The following NRP2 variants were observed in gnomAD, a reference collection of about 807,000 sequenced individuals.
NRP2 encodes the protein neuropilin 2.
A neutral mutation model predicts 110.4 loss-of-function variants in NRP2; 52 were observed. The ratio of observed to expected loss-of-function variants is 0.47; its 90% confidence interval spans 0.38 to 0.59. NRP2 has a LOEUF of 0.59. Ranked by LOEUF, NRP2 falls within the 20% of genes least tolerant of loss-of-function variation. The probability of loss-of-function intolerance (pLI) is 0.00; values close to 1 mark genes in which losing one functional copy is unlikely to be tolerated. For missense variants in NRP2, 1,049 were observed against 1,203.0 expected, an observed-to-expected ratio of 0.87 and a Z score of 1.89; for synonymous variants, 508 against 468.9, an observed-to-expected ratio of 1.08 and a Z score of -1.08.
intron 15 of NRP2, chr2:205,778,647 G>T (rs2058136519): frequency 6.6e-6 from 1 of 152,190 alleles, no homozygotes; most frequent in African/African-American, 2.4e-5. Context: ...TAGAGGTGTG[G>T]CATTGAGAAA....
intron 16 of NRP2, among the ~76,000 whole-genome samples, chr2:205,792,788 C>A (rs1559371785): frequency 6.6e-6 from 1 of 152,138 alleles, no homozygotes; most frequent in Non-Finnish European, 1.5e-5. Flanking sequence ...CATCTCGTAT[C>A]TTTATATTTA....
chr2:205,738,356 A>C (rs2057382516), intron 7 of NRP2, among the ~76,000 whole-genome samples: 1 of 152,236 alleles, frequency 6.6e-6, no homozygotes, highest in South Asian at 2.1e-4. Flanking sequence ...AAATAAGCAA[A>C]GTGCTGCATT....
intron 4 of NRP2, among the ~76,000 whole-genome samples, chr2:205,723,551 A>G (rs2057063729): frequency 6.6e-6 from 1 of 152,258 alleles, no homozygotes; most frequent in South Asian, 2.1e-4. Flanking sequence ...GCCACTGAGA[A>G]CAGAATGAAG....
chr2:205,715,243 G>A (rs2056871396), intron 2 of NRP2, among the ~76,000 whole-genome samples: 1 of 152,128 alleles, frequency 6.6e-6, no homozygotes, highest in Non-Finnish European at 1.5e-5. Flanking sequence ...GAAAATGTGT[G>A]TCTGTCAAGA....
At chr2:205,706,938 A>G (rs1035712365) in intron 2 of NRP2, among the ~76,000 whole-genome samples, 2 of 152,190 alleles carry the variant, frequency 1.3e-5, no homozygotes, top group Non-Finnish European at 2.9e-5. Context: ...CAAAACAAAC[A>G]GCCTGCTTCT....
chr2:205,754,688 T>C (rs1223315129), intron 12 of NRP2, among the ~76,000 whole-genome samples: 3 of 152,206 alleles, frequency 2.0e-5, no homozygotes, highest in African/African-American at 4.8e-5. Context: ...AATTCATGGT[T>C]GTTCCCAACC....
chr2:205,784,856 A>G (rs1053284692), intron 15 of NRP2, among the ~76,000 whole-genome samples: 2 of 152,036 alleles, frequency 1.3e-5, no homozygotes, highest in Non-Finnish European at 2.9e-5. Context: ...AGATTCCTTC[A>G]CACAAATGCC....
intron 3 of NRP2, chr2:205,722,172 TACACACACAC>T (rs10646445): frequency 2.5e-4 from 69 of 280,202 alleles, no homozygotes; most frequent in Middle Eastern, 1.3e-3. Flanking sequence ...CTCTCTCTCA[TACACACACAC>T]ACACACACAC....
intron 7 of NRP2, among the ~76,000 whole-genome samples, chr2:205,737,483 CACAGCTCCTGGCTTCT>C (rs1485197066): frequency 2.0e-5 from 3 of 152,314 alleles, no homozygotes; most frequent in African/African-American, 7.2e-5. Context: ...AGCCGCAGAG[CACAGCTCCTGGCTTCT>C]GATTCAGTAG....
At chr2:205,733,844 T>C (rs555527954) in intron 7 of NRP2, among the ~76,000 whole-genome samples, 64 of 151,826 alleles carry the variant, frequency 4.2e-4, no homozygotes, top group South Asian at 1.5e-3. Context: ...GATGCGTTCC[T>C]GTCTCAAATC....
At chr2:205,705,932 C>T (rs2056665216) in intron 2 of NRP2, among the ~76,000 whole-genome samples, 1 of 152,018 alleles carries the variant, frequency 6.6e-6, no homozygotes. Context: ...CCTCTTCCTG[C>T]CATGCAGTCA....
rs551568725 is a variant in NRP2, at chr2:205,695,676, C to T, written c.74-1868C>T. Among the ~76,000 whole-genome samples the T allele has an allele frequency of 9.2e-5, 14 of 152,230 alleles. No homozygotes were observed. In the South Asian group the frequency reaches 1.5e-3, roughly 16 times the overall value. On this transcript the variant is annotated intron_variant, in intron 1 of 16. Transcript: ENST00000357785. ...AAATATCTGGCAGAGGAGCTGGACC[C>T]GGTAGAAAATTCCCCCTTCTGCTAG...
At chr2:205,720,906 A>T (rs951152032) in intron 3 of NRP2, among the ~76,000 whole-genome samples, 4 of 152,204 alleles carry the variant, frequency 2.6e-5, no homozygotes, top group African/African-American at 9.6e-5. Context: ...CGCTGCTTAG[A>T]GCCTCCACAG....
At chr2:205,690,033 C>G (rs115783364) in intron 1 of NRP2, among the ~76,000 whole-genome samples, 5 of 152,274 alleles carry the variant, frequency 3.3e-5, no homozygotes, top group African/African-American at 1.2e-4. Flanking sequence ...ACGAGGCTGC[C>G]GGCCAGCTGA....
Position 205,794,778 on chromosome 2 carries a change from A to G in NRP2, c.2501A>G (p.Asn834Ser). 1 of 1,614,204 alleles carries G rather than the reference A, an allele frequency of 6.2e-7. No homozygotes were observed. ...GATGAATACGAGGTGGACTGGAGCA[A>G]TTCTTCTTCTGCAACCTCAGGGTCT... ...IDDEYEVDWSNSSSATSGSGA... is the reference protein window; with the variant it reads ...IDDEYEVDWSSSSSATSGSGA... The change falls in exon 17 of 17, where the codon AAT (asparagine) becomes AGT (serine). Residue 834 changes from asparagine (N) to serine (S), a missense_variant. Asn to Ser is a conservative substitution (Grantham distance 46, BLOSUM62 1). Transcript: ENST00000357785.
chr2:205,697,770 GCCCTGCCCCCAC>G, intron 2 of NRP2, 49 bp downstream of exon 2: 1 of 1,543,214 alleles, frequency 6.5e-7, no homozygotes, highest in African/African-American at 1.4e-5. Flanking sequence ...AGATGCACAC[GCCCTGCCCCCAC>G]CCCTGCTCTT....
In NRP2 at chr2:205,725,906, TC is replaced by T. The variant is rs774484956; in HGVS notation, c.821-3del. 2.5e-6 allele frequency: 4 copies of T among 1,613,962 alleles called. No individual in the cohort carries two copies. Among genetic ancestry groups the T allele is most frequent in the Non-Finnish European group, 3.4e-6 (4 of 1,179,998 alleles). ...CCTAACTGCATTTGACCGTCTGCTT[TC>T]CCCAGACTTTCAGTGCAATGTTCCT... is the stretch of plus-strand genomic sequence containing the variant. On this transcript the variant is annotated splice_region_variant and splice_polypyrimidine_tract_variant and intron_variant, in intron 5 of 16. Coordinates refer to ENST00000357785, the MANE Select transcript of NRP2 (RefSeq NM_003872.3). This position sits in a 1 kb window ranked among gnomAD's most constrained non-coding sequence, Gnocchi z 4.1.
intron 7 of NRP2, among the ~76,000 whole-genome samples, chr2:205,729,363 C>G (rs962934055): frequency 6.6e-6 from 1 of 152,218 alleles, no homozygotes; most frequent in Admixed American, 6.5e-5. Context: ...TGTGCCAGGC[C>G]AGGTCTGGTT....
rs2058344357 is a variant in NRP2 at position 205,795,415 on chromosome 2, C to T, written c.*357C>T. On this transcript the variant is annotated 3_prime_UTR_variant, in exon 17 of 17. Transcript: ENST00000357785. Reference sequence around the variant, plus strand: ...ATATTTTATTTCTTTGGTCTGTGAGCAACTCAAAGAGGCAGAAGAGGAGAA... The same window carrying T: ...ATATTTTATTTCTTTGGTCTGTGAGTAACTCAAAGAGGCAGAAGAGGAGAA... 6.6e-6 allele frequency: 1 copy of T among 151,646 alleles called. No homozygotes were observed. Among genetic ancestry groups the T allele is most frequent in the African/African-American group, 2.4e-5 (1 of 41,220 alleles). The allele number at this position is 151,646 out of a possible 1,614,324, so 9.4% of individuals were successfully genotyped here.
Sources: gnomAD v4.1 joint callset for allele counts (sites outside exome capture counted in the v4.1 genomes callset) on GRCh38, gnomAD v4.1.1 for gene constraint, Gnocchi (gnomAD v3.1) non-coding constraint, MANE v1.5 for transcripts, NCBI Gene and HGNC (gene_info 2026-07-23, HGNC 2026-07-21) for gene names.